Variants in CCBE1 observed in about 807,000 individuals in gnomAD.
CCBE1 encodes the protein collagen and calcium-binding EGF domain-containing protein 1.
A neutral mutation model predicts 50.0 loss-of-function variants in CCBE1; 37 were observed. That is an observed-to-expected ratio of 0.74 (90% CI 0.57 to 0.97). The LOEUF (loss-of-function observed/expected upper bound fraction) is 0.97, where lower values mean the gene tolerates loss of function less well. Among genes scored for constraint, CCBE1 ranks in the 50% least tolerant of loss-of-function variants. CCBE1 has a pLI of 0.00. For synonymous variants in CCBE1, 234 were observed against 203.7 expected (o/e 1.15, Z -1.27); for missense variants, 538 against 523.8 (o/e 1.03, Z -0.26).
intron 2 of CCBE1, among the ~76,000 whole-genome samples, chr18:59,494,198 A>G (rs1913241391): frequency 6.6e-6 from 1 of 152,230 alleles, no homozygotes; most frequent in South Asian, 2.1e-4. Flanking sequence ...CCAGGGAAAT[A>G]CATAGGTTGG....
intron 2 of CCBE1, among the ~76,000 whole-genome samples, chr18:59,581,215 G>T (rs1297595041): frequency 6.6e-6 from 1 of 152,112 alleles, no homozygotes; most frequent in African/African-American, 2.4e-5. Flanking sequence ...GGCTGAGGTA[G>T]GCGGATCACG....
chr18:59,554,928 A>C (rs146011365), intron 2 of CCBE1, among the ~76,000 whole-genome samples: 1,711 of 152,338 alleles, frequency 0.011, 16 homozygotes, highest in Non-Finnish European at 0.016. Context: ...CTCTGACAGA[A>C]TGCTCCATTT....
intron 2 of CCBE1, among the ~76,000 whole-genome samples, chr18:59,568,015 A>AT (rs1436689445): frequency 1.3e-5 from 2 of 151,858 alleles, no homozygotes; most frequent in Admixed American, 6.6e-5. Context: ...TTCTTTTTCT[A>AT]TTTTTTTAAG....
intron 2 of CCBE1, among the ~76,000 whole-genome samples, chr18:59,600,707 C>T (rs1300187763): frequency 6.6e-6 from 1 of 152,154 alleles, no homozygotes; most frequent in East Asian, 1.9e-4. Context: ...CAACCATCCC[C>T]ATCTCCTCCT....
intron 2 of CCBE1, among the ~76,000 whole-genome samples, chr18:59,694,917 AAT>A (rs2144758668): frequency 6.6e-6 from 1 of 152,350 alleles, no homozygotes; most frequent in Non-Finnish European, 1.5e-5. Flanking sequence ...CTTGATATAA[AAT>A]GTCATTTTTG....
intron 7 of CCBE1, among the ~76,000 whole-genome samples, chr18:59,441,508 A>G (rs1435438081): frequency 6.6e-6 from 1 of 152,018 alleles, no homozygotes; most frequent in Admixed American, 6.6e-5. Flanking sequence ...AATCAAAACA[A>G]AAAAACACAT....
intron 2 of CCBE1, among the ~76,000 whole-genome samples, chr18:59,602,579 A>G (rs1020988065): frequency 6.6e-6 from 1 of 152,212 alleles, no homozygotes; most frequent in African/African-American, 2.4e-5. Context: ...AAAAGGGTAT[A>G]TATATGTATG....
intron 2 of CCBE1, among the ~76,000 whole-genome samples, chr18:59,626,246 G>C (rs868150043): frequency 6.6e-6 from 1 of 152,144 alleles, no homozygotes; most frequent in South Asian, 2.1e-4. Flanking sequence ...TAAAGTACTC[G>C]TTTATTTATG....
rs1232723327 is a variant in CCBE1 at position 59,696,675 on chromosome 18, T to C, written c.166A>G (p.Lys56Glu). The change falls in exon 2 of 11, where the codon AAA (lysine) becomes GAA (glutamate). Residue 56 changes from lysine to glutamate, a missense_variant. Coordinates refer to ENST00000439986, the MANE Select transcript of CCBE1 (RefSeq NM_133459.4). ...CCTGAAGACTTCAGACACGGGTATT[T>C]AGTCGTCGCGATTTTGCTCTCTGAG... ...ICSESKIATT[K>E]YPCLKSSGEL... 1.9e-5 allele frequency: 30 copies of C among 1,614,008 alleles called. No individual in the cohort carries two copies. Among genetic ancestry groups the C allele is most frequent in the East Asian group, 8.9e-5 (4 of 44,880 alleles).
At chr18:59,640,118 G>A (rs6567108) in intron 2 of CCBE1, among the ~76,000 whole-genome samples, 134,542 of 152,232 alleles carry the variant, frequency 0.88, 59,533 homozygotes, top group Admixed American at 0.92. Flanking sequence ...CACTCTTCAC[G>A]GAACTAGAAA....
intron 2 of CCBE1, among the ~76,000 whole-genome samples, chr18:59,675,809 G>C (rs573028340): frequency 6.6e-6 from 1 of 152,308 alleles, no homozygotes; most frequent in South Asian, 2.1e-4. Context: ...GTATACATCA[G>C]ACCTAGTGAT....
At chr18:59,486,935 G>A (rs1286248025) in intron 2 of CCBE1, among the ~76,000 whole-genome samples, 1 of 151,648 alleles carries the variant, frequency 6.6e-6, no homozygotes, top group Non-Finnish European at 1.5e-5. Context: ...AATATTAAGA[G>A]AATCATAAAA....
chr18:59,454,851 C>A lies in CCBE1; in HGVS notation c.654G>T (p.Lys218Asn), dbSNP rs765432175. 7 of 1,613,978 alleles carry A rather than the reference C, an allele frequency of 4.3e-6. No homozygotes were observed. Among genetic ancestry groups the A allele is most frequent in the Non-Finnish European group, 2.5e-6 (3 of 1,179,814 alleles). Reference protein sequence around the residue: ...MKQTVLQLKQKIALLPNNAAD... With the variant: ...MKQTVLQLKQNIALLPNNAAD... Reference sequence around the variant, plus strand: ...TCGTTCCCACCCCAGCGGCACGTACCTTTTGCTTCAGCTGCAGCACGGTCT... The same window carrying A: ...TCGTTCCCACCCCAGCGGCACGTACATTTTGCTTCAGCTGCAGCACGGTCT... The change falls in exon 6 of 11, where the codon AAG (lysine) becomes AAT (asparagine). Residue 218 changes from lysine (K) to asparagine (N), a missense_variant and splice_region_variant. By Grantham distance (94) the Lys-to-Asn change is moderately conservative (BLOSUM62 0). Coordinates refer to ENST00000439986, the MANE Select transcript of CCBE1 (RefSeq NM_133459.4).
intron 2 of CCBE1, among the ~76,000 whole-genome samples, chr18:59,677,754 G>A (rs968018904): frequency 6.6e-6 from 1 of 152,094 alleles, no homozygotes; most frequent in Non-Finnish European, 1.5e-5. Flanking sequence ...AACTGGATTA[G>A]TGCAGGCCTC....
At chr18:59,559,161 G>A (rs1022895007) in intron 2 of CCBE1, among the ~76,000 whole-genome samples, 3 of 151,974 alleles carry the variant, frequency 2.0e-5, no homozygotes, top group Non-Finnish European at 4.4e-5. Context: ...ATGGGAGGCA[G>A]TAGATGGGGT....
At chr18:59,510,523 G>C (rs898815250) in intron 2 of CCBE1, among the ~76,000 whole-genome samples, 1 of 152,096 alleles carries the variant, frequency 6.6e-6, no homozygotes, top group Non-Finnish European at 1.5e-5. Flanking sequence ...CCAGGTTCAA[G>C]TGATTCTCCT....
chr18:59,477,280 G>A (rs932884251), intron 3 of CCBE1, among the ~76,000 whole-genome samples: 1 of 152,154 alleles, frequency 6.6e-6, no homozygotes, highest in Admixed American at 6.5e-5. Flanking sequence ...TGATTAAAAA[G>A]TCAGCAGAAG....
Position 59,438,100 on chromosome 18 carries a change from G to A in CCBE1, c.987+11C>T. The A allele has an allele frequency of 6.2e-7, 1 of 1,614,022 alleles. No individual in the cohort carries two copies. The highest frequency in any genetic ancestry group is 8.5e-7 in the Non-Finnish European group (1 of 1,179,934). Reference sequence around the variant, plus strand: ...TTCCCCTGGGGAAGCAGGACACAGAGTGCTACTTACTGGAGACCCTCTGGG... The same window carrying A: ...TTCCCCTGGGGAAGCAGGACACAGAATGCTACTTACTGGAGACCCTCTGGG... On this transcript the variant is annotated intron_variant, in intron 10 of 10. Transcript: ENST00000439986.
chr18:59,585,586 G>A (rs2053168063), intron 2 of CCBE1, among the ~76,000 whole-genome samples: 1 of 152,156 alleles, frequency 6.6e-6, no homozygotes, highest in South Asian at 2.1e-4. Context: ...TCCAGTCAGA[G>A]GTGGAAAAGT....
Sources: allele counts gnomAD v4.1 joint callset (sites outside exome capture counted in the v4.1 genomes callset), GRCh38; gene constraint gnomAD v4.1.1; transcripts MANE v1.5; gene names NCBI Gene and HGNC (gene_info 2026-07-23, HGNC 2026-07-21).